Variants in ZNF442 observed in about 807,000 individuals in gnomAD.
ZNF442 encodes zinc finger protein 442.
In ZNF442, 45 loss-of-function variants were observed where a neutral mutation model predicts 57.0. The ratio of observed to expected loss-of-function variants is 0.79; its 90% CI spans 0.62 to 1.01. The LOEUF (loss-of-function observed/expected upper bound fraction) is 1.01, where lower values mean the gene tolerates loss of function less well. Among genes scored for constraint, ZNF442 ranks in the 50% least tolerant of loss-of-function variants. The probability of loss-of-function intolerance (pLI) is 0.00; values close to 1 mark genes in which losing one functional copy is unlikely to be tolerated. For synonymous variants in ZNF442, 213 were observed against 241.8 expected, an observed-to-expected ratio of 0.88 and a Z score of 1.10; for missense variants, 690 against 756.5, an observed-to-expected ratio of 0.91 and a Z score of 1.03.
At position 12,349,601 on chromosome 19, in the gene ZNF442, T is replaced by C. The variant is rs372370745; in HGVS notation, c.*100A>G. On this transcript the variant is annotated 3_prime_UTR_variant, in exon 6 of 6. Transcript: ENST00000242804. Reference sequence around the variant, plus strand: ...GATAACCATATTCAAAAGAAACATCTTAAGGCTTTACCATGTGTTTGCATT... The same window carrying C: ...GATAACCATATTCAAAAGAAACATCCTAAGGCTTTACCATGTGTTTGCATT... 3 of 1,259,064 alleles carry C rather than the reference T, an allele frequency of 2.4e-6. No homozygotes were observed. In the African/African-American group the frequency reaches 4.5e-5, roughly 19 times the overall value. The allele number at this position is 1,259,064 out of a possible 1,614,324, so 78.0% of individuals were successfully genotyped here.
At position 12,353,909 on chromosome 19, in the gene ZNF442, T is replaced by C. The variant is rs574107057; in HGVS notation, c.79-795A>G. ...AGAGAAAGAGACCTGGGCTAGACAC[T>C]CAGCTCCCTCATCACATGACGCCCT... is the stretch of plus-strand genomic sequence containing the variant. On this transcript the variant is annotated intron_variant, in intron 3 of 5. Coordinates refer to ENST00000242804, the MANE Select transcript of ZNF442 (RefSeq NM_030824.3). 7.9e-5 allele frequency among the ~76,000 whole-genome samples: 12 copies of C among 152,236 alleles called. No homozygotes were observed. In the South Asian group the frequency reaches 2.5e-3, roughly 32 times the overall value.
In ZNF442 at chr19:12,363,722, G is replaced by A. The variant is rs532577843; in HGVS notation, c.-40-51C>T. On this transcript the variant is annotated intron_variant, in intron 2 of 5. Coordinates refer to ENST00000242804, the MANE Select transcript of ZNF442 (RefSeq NM_030824.3). ...TTGTCCCAAGGGTTAGCTTTTTATA[G>A]AAATGGTATACCAGAATATTCCTCC... The A allele has an allele frequency of 2.1e-4, 255 of 1,189,118 alleles. 5 individuals carry two copies. The South Asian group carries it at 3.1e-3, about 14-fold the overall frequency. 73.7% of individuals were successfully genotyped at this position (1,189,118 alleles called of 1,614,324 possible).
In ZNF442 at chr19:12,365,106, C is replaced by A. The variant is rs886692048; in HGVS notation, c.-345G>T. On this transcript the variant is annotated 5_prime_UTR_variant, in exon 2 of 6. Transcript: ENST00000242804. ...CGCCCCTGTCCAGACCCCTAAACACCCCCATCCCCAAACCTCTCATGGAGG... is the reference window on the plus strand; with the variant it reads ...CGCCCCTGTCCAGACCCCTAAACACACCCATCCCCAAACCTCTCATGGAGG... 6.5e-6 allele frequency: 1 copy of A among 152,940 alleles called. No homozygotes were observed. Among genetic ancestry groups the A allele is most frequent in the Non-Finnish European group, 1.5e-5 (1 of 68,606 alleles). 9.5% of individuals were successfully genotyped at this position (152,940 alleles called of 1,614,324 possible). A position where few individuals can be genotyped will look rare whatever the true frequency, so the allele number is the denominator to read the frequency against.
chr19:12,353,332 G>A (rs1217332507), intron 3 of ZNF442, among the ~76,000 whole-genome samples: 1 of 152,164 alleles, frequency 6.6e-6, no homozygotes, highest in African/African-American at 2.4e-5. Flanking sequence ...ATAGGAACAA[G>A]TCTCTTTTTG....
chr19:12,350,718 T>G lies in ZNF442; in HGVS notation c.867A>C (p.Gly289=). 1 of 1,614,158 alleles carries G rather than the reference T, an allele frequency of 6.2e-7. No homozygotes were observed. The highest frequency in any genetic ancestry group is 8.5e-7 in the Non-Finnish European group (1 of 1,180,044). ...ATCGTTTACATTTATAGGGTTTTTCTCCAGTGTGAGTTCTTTCATGTCTTA... is the reference window on the plus strand; with the variant it reads ...ATCGTTTACATTTATAGGGTTTTTCGCCAGTGTGAGTTCTTTCATGTCTTA... The part of the protein sequence containing the change: ...SYVRHERTHT[G]EKPYKCKRCG... The change falls in exon 6 of 6, where the codon GGA becomes GGC. Residue 289 remains glycine (G), a synonymous_variant. Coordinates refer to ENST00000242804, the MANE Select transcript of ZNF442 (RefSeq NM_030824.3).
upstream of ZNF442, among the ~76,000 whole-genome samples, chr19:12,370,841 T>C (rs545909851): frequency 1.5e-4 from 23 of 151,266 alleles, no homozygotes; most frequent in Admixed American, 4.0e-4. Context: ...GGTGTGGTGG[T>C]GGGCGCCTGT....
intron 3 of ZNF442, among the ~76,000 whole-genome samples, chr19:12,353,372 GCAT>G (rs1249356043): frequency 6.6e-6 from 1 of 152,126 alleles, no homozygotes; most frequent in Non-Finnish European, 1.5e-5. Context: ...TTTATTGCCG[GCAT>G]CATCCCTAAT....
At chr19:12,360,518 G>A (rs2030644834) in intron 3 of ZNF442, among the ~76,000 whole-genome samples, 1 of 152,188 alleles carries the variant, frequency 6.6e-6, no homozygotes, top group Non-Finnish European at 1.5e-5. Flanking sequence ...TTCCTCCCAT[G>A]CCTTACATGG....
In ZNF442 at chr19:12,350,007, A is replaced by T; in HGVS notation, c.1578T>A (p.Ser526Arg). 6.2e-7 allele frequency: 1 copy of T among 1,614,156 alleles called. No individual in the cohort carries two copies. Among genetic ancestry groups the T allele is most frequent in the Non-Finnish European group, 8.5e-7 (1 of 1,180,022 alleles). The stretch of plus-strand genomic sequence containing the variant: ...CATGGACTTTTAAGTTACCAAAATG[A>T]CTGAAGGCTTTCTTACATGTTTTAC... The part of the protein sequence containing the change: ...YECKTCKKAF[S>R]HFGNLKVHER... The change falls in exon 6 of 6, where the codon AGT (serine) becomes AGA (arginine). Residue 526 changes from serine to arginine, a missense_variant. Transcript: ENST00000242804.
Position 12,353,094 on chromosome 19 carries a change from A to G in ZNF442, c.99T>C (p.Asp33=), listed in dbSNP as rs752936016. ...CTTCCTGGGTGAAGTTCACCGCCACATCCTCAAAGGCTACTGAATCCTGAA... is the reference window on the plus strand; with the variant it reads ...CTTCCTGGGTGAAGTTCACCGCCACGTCCTCAAAGGCTACTGAATCCTGAA... The part of the protein sequence containing the change: ...RKQYDSVAFE[D]VAVNFTQEEW... The change falls in exon 4 of 6, where the codon GAT becomes GAC. Residue 33 remains aspartate, a synonymous_variant. Transcript: ENST00000242804. 1.1e-5 allele frequency: 17 copies of G among 1,613,262 alleles called. No homozygotes were observed. Among genetic ancestry groups the G allele is most frequent in the Non-Finnish European group, 1.4e-5 (16 of 1,179,678 alleles).
At chr19:12,361,636 G>A (rs965612230) in intron 3 of ZNF442, among the ~76,000 whole-genome samples, 11 of 151,870 alleles carry the variant, frequency 7.2e-5, no homozygotes, top group Admixed American at 2.6e-4. Flanking sequence ...AAAAGTAAAT[G>A]AAGGGTTTTT....
Position 12,350,880 on chromosome 19 carries a change from T to C in ZNF442, c.705A>G (p.Lys235=). ...TACAACACTGCTTACATTCATACGG[T>C]TTCTCTCCAGTGTGAGTTCTTTCAT... is the stretch of plus-strand genomic sequence containing the variant. ...RMHERTHTGE[K]PYECKQCCKA... The change falls in exon 6 of 6, where the codon AAA becomes AAG. Residue 235 remains lysine, a synonymous_variant. Coordinates refer to ENST00000242804, the MANE Select transcript of ZNF442 (RefSeq NM_030824.3). 6.2e-7 allele frequency: 1 copy of C among 1,614,102 alleles called. No individual in the cohort carries two copies. Among genetic ancestry groups the C allele is most frequent in the Non-Finnish European group, 8.5e-7 (1 of 1,179,984 alleles).
At chr19:12,351,892 A>T in intron 5 of ZNF442, 118 bp downstream of exon 5, 1 of 807,682 alleles carries the variant, frequency 1.2e-6, no homozygotes, top group South Asian at 1.9e-5. Flanking sequence ...AGAAAATTGT[A>T]TAGGAATAAA....
chr19:12,363,457 A>C, intron 3 of ZNF442, 97 bp downstream of exon 3: 12 of 1,177,032 alleles, frequency 1.0e-5, no homozygotes, highest in Non-Finnish European at 1.4e-5. Context: ...CCACCACCCC[A>C]GGAGATACTT....
In ZNF442 at chr19:12,348,813, C is replaced by T. The variant is rs1028228876; in HGVS notation, c.*888G>A. ...TCATCATCATCCTTGGGTTATCAAG[C>T]AAGAAGGATCAGGATTTTCATAAGT... On this transcript the variant is annotated 3_prime_UTR_variant, in exon 6 of 6. Coordinates refer to ENST00000242804, the MANE Select transcript of ZNF442 (RefSeq NM_030824.3). 2 of 151,876 alleles carry T rather than the reference C, an allele frequency of 1.3e-5. No individual in the cohort carries two copies. Among genetic ancestry groups the T allele is most frequent in the African/African-American group, 4.8e-5 (2 of 41,312 alleles). 9.4% of individuals were successfully genotyped at this position (151,876 alleles called of 1,614,324 possible).
rs182413681 is a variant in ZNF442 at position 12,346,757 on chromosome 19, T to C, written c.*2944A>G. On this transcript the variant is annotated 3_prime_UTR_variant, in exon 6 of 6. Coordinates refer to ENST00000242804, the MANE Select transcript of ZNF442 (RefSeq NM_030824.3). ...GCTTTAACCATACAGTGGAAATTTA[T>C]TCAGACACAAAAACAATGAGTTCCT... 14 of 152,288 alleles carry C rather than the reference T, an allele frequency of 9.2e-5. No homozygotes were observed. Among genetic ancestry groups the C allele is most frequent in the Non-Finnish European group, 4.4e-5 (3 of 68,018 alleles). 9.4% of individuals were successfully genotyped at this position (152,288 alleles called of 1,614,324 possible).
In ZNF442 at chr19:12,350,025, T is replaced by G. The variant is rs1568484969; in HGVS notation, c.1560A>C (p.Thr520=). ...HMAEKPYECK[T]CKKAFSHFGN... ...CAAAATGACTGAAGGCTTTCTTACA[T>G]GTTTTACATTCATAAGGTTTTTCAG... The change falls in exon 6 of 6, where the codon ACA becomes ACC. Residue 520 remains threonine, a synonymous_variant. Coordinates refer to ENST00000242804, the MANE Select transcript of ZNF442 (RefSeq NM_030824.3). 6.2e-7 allele frequency: 1 copy of G among 1,614,164 alleles called. No homozygotes were observed. The highest frequency in any genetic ancestry group is 8.5e-7 in the Non-Finnish European group (1 of 1,180,022).
chr19:12,349,542 G>A lies in ZNF442; in HGVS notation c.*159C>T, dbSNP rs1334108661. ...ATCTGTGGATTTAGGTATGCTTAGG[G>A]GGTCTGGAACCAATCCCCTGCATAT... On this transcript the variant is annotated 3_prime_UTR_variant, in exon 6 of 6. Transcript: ENST00000242804. 3.0e-6 allele frequency: 2 copies of A among 662,892 alleles called. No homozygotes were observed. The allele number at this position is 662,892 out of a possible 1,614,324, so 41.1% of individuals were successfully genotyped here.
chr19:12,353,760 G>A (rs551367296), intron 3 of ZNF442, among the ~76,000 whole-genome samples: 11 of 152,278 alleles, frequency 7.2e-5, no homozygotes, highest in Non-Finnish European at 1.0e-4. Flanking sequence ...GAAAGATGGC[G>A]CTTGAAGAGG....
Sources: gnomAD v4.1 joint callset for allele counts (sites outside exome capture counted in the v4.1 genomes callset) on GRCh38, gnomAD v4.1.1 for gene constraint, MANE v1.5 for transcripts, NCBI Gene and HGNC (gene_info 2026-07-23, HGNC 2026-07-21) for gene names.